The following KANK1 variants were observed in gnomAD, a reference collection of about 807,000 sequenced individuals.
KANK1 encodes KN motif and ankyrin repeat domains 1.
In KANK1, 109 loss-of-function variants were observed where a neutral mutation model predicts 106.2. The observed-to-expected ratio is 1.03, with a 90% CI of 0.88 to 1.20. KANK1 has a LOEUF of 1.20. Among genes scored for constraint, KANK1 ranks in the 50% most tolerant of loss-of-function variants. The pLI, the probability that KANK1 is intolerant of heterozygous loss-of-function variation, is 0.00. For missense variants in KANK1, 2,399 were observed against 1,710.7 expected (o/e 1.40, Z -7.10); for synonymous variants, 873 against 652.2 (o/e 1.34, Z -5.16).
intron 2 of KANK1, among the ~76,000 whole-genome samples, chr9:704,709 A>AAC (rs1168277714): frequency 6.6e-6 from 1 of 152,182 alleles, no homozygotes; most frequent in Non-Finnish European, 1.5e-5. Context: ...GGCCAGGTAT[A>AAC]GTGGCTTACA....
intron 1 of KANK1, among the ~76,000 whole-genome samples, chr9:638,499 C>T (rs1204623403): frequency 6.6e-6 from 1 of 152,150 alleles, no homozygotes; most frequent in Admixed American, 6.6e-5. Flanking sequence ...AACAGAGTTT[C>T]AGATAAATCT....
At chr9:634,704 C>T (rs1035603310) in intron 1 of KANK1, among the ~76,000 whole-genome samples, 23 of 152,160 alleles carry the variant, frequency 1.5e-4, no homozygotes, top group Non-Finnish European at 2.8e-4. Context: ...AAATTTCTCC[C>T]GTGGTTATCT....
intron 3 of KANK1, among the ~76,000 whole-genome samples, chr9:487,140 C>T (rs772578627): frequency 1.6e-4 from 24 of 152,274 alleles, no homozygotes; most frequent in African/African-American, 5.5e-4. Context: ...GCTGCAGGCA[C>T]GGAGAACAGC....
At chr9:597,393 T>A (rs1826480635) in intron 1 of KANK1, among the ~76,000 whole-genome samples, 1 of 151,858 alleles carries the variant, frequency 6.6e-6, no homozygotes, top group Admixed American at 6.5e-5. Flanking sequence ...TTTAAAAAAA[T>A]TATAGTCGTC....
intron 1 of KANK1, among the ~76,000 whole-genome samples, chr9:507,995 A>AT (rs2058844855): frequency 6.8e-6 from 1 of 147,940 alleles, no homozygotes; most frequent in Admixed American, 6.7e-5. Flanking sequence ...TAATTTTTGT[A>AT]TTTTTGTTAG....
intron 1 of KANK1, among the ~76,000 whole-genome samples, chr9:522,270 T>G (rs2059587258): frequency 6.6e-6 from 1 of 151,768 alleles, no homozygotes; most frequent in Non-Finnish European, 1.5e-5. Flanking sequence ...TTACATCTAG[T>G]TTTGAAAGAT....
chr9:713,898 T>C (rs1826939502), intron 3 of KANK1, among the ~76,000 whole-genome samples: 1 of 152,240 alleles, frequency 6.6e-6, no homozygotes. Flanking sequence ...TTAAAACGTT[T>C]ATGAGAGGAG....
chr9:528,842 C>T (rs1289174311), intron 1 of KANK1, among the ~76,000 whole-genome samples: 1 of 152,066 alleles, frequency 6.6e-6, no homozygotes, highest in Admixed American at 6.6e-5. Context: ...ATTTGTAAGC[C>T]AGGCTGGAAT....
intron 1 of KANK1, among the ~76,000 whole-genome samples, chr9:584,643 C>G (rs189034088): frequency 6.6e-6 from 1 of 152,204 alleles, no homozygotes; most frequent in East Asian, 1.9e-4. Flanking sequence ...TAACATAGAG[C>G]TGTTGAATAG....
intron 1 of KANK1, among the ~76,000 whole-genome samples, chr9:580,038 T>C (rs556054567): frequency 2.0e-5 from 3 of 152,320 alleles, no homozygotes; most frequent in East Asian, 3.9e-4. Context: ...CGGTGAGTGT[T>C]ACAGTTCTTA....
intron 3 of KANK1, among the ~76,000 whole-genome samples, chr9:719,967 G>A (rs1828871296): frequency 6.6e-6 from 1 of 152,084 alleles, no homozygotes; most frequent in Non-Finnish European, 1.5e-5. Flanking sequence ...ATTTTAAGTG[G>A]CTTGTTTTTC....
chr9:538,823 A>G (rs1169680874), intron 1 of KANK1, among the ~76,000 whole-genome samples: 1 of 152,192 alleles, frequency 6.6e-6, no homozygotes, highest in Non-Finnish European at 1.5e-5. Flanking sequence ...TTGGCATAGT[A>G]AGTACTTCAT....
intron 3 of KANK1, among the ~76,000 whole-genome samples, chr9:728,264 G>A (rs55729803): frequency 0.072 from 10,904 of 152,108 alleles, 976 homozygotes; most frequent in African/African-American, 0.2. Context: ...GCAATGGCAC[G>A]ATCTAGGCAC....
At chr9:633,436 T>C (rs183034955) in intron 1 of KANK1, among the ~76,000 whole-genome samples, 7 of 152,114 alleles carry the variant, frequency 4.6e-5, no homozygotes, top group East Asian at 3.9e-4. Context: ...CCAGCCTGGG[T>C]GACAGAGCGA....
chr9:555,436 C>T (rs1172824938), intron 1 of KANK1, among the ~76,000 whole-genome samples: 1 of 152,164 alleles, frequency 6.6e-6, no homozygotes, highest in Non-Finnish European at 1.5e-5. Flanking sequence ...ATGTATATGG[C>T]ATAGTCACTA....
chr9:690,297 C>T (rs1442191896), intron 2 of KANK1, among the ~76,000 whole-genome samples: 2 of 144,466 alleles, frequency 1.4e-5, no homozygotes, highest in Non-Finnish European at 3.0e-5. Context: ...CGGAGCGAGA[C>T]TCTGTCTCAA....
Position 591,271 on chromosome 9 carries a change from A to T in KANK1, c.-83-85619A>T, listed in dbSNP as rs186354871. Reference sequence around the variant, plus strand: ...TAAATGTATATAAATATTTAATTTTAGGTTGTCAAATCTTTTTCTTTATGG... The same window carrying T: ...TAAATGTATATAAATATTTAATTTTTGGTTGTCAAATCTTTTTCTTTATGG... On this transcript the variant is annotated intron_variant, in intron 1 of 11. Transcript: ENST00000382297. Among the ~76,000 whole-genome samples, 34 of 151,952 alleles carry T rather than the reference A, an allele frequency of 2.2e-4. 4 individuals carry two copies. The highest frequency in any genetic ancestry group is 8.0e-4 in the African/African-American group (33 of 41,248).
At chr9:502,753 T>A (rs2058580133), upstream of KANK1, among the ~76,000 whole-genome samples, 3 of 152,154 alleles carry the variant, frequency 2.0e-5, no homozygotes, top group Admixed American at 2.0e-4. Context: ...GTTGAACTCC[T>A]GGCCTCAAGT....
At chr9:664,666 GT>G in intron 1 of KANK1, among the ~76,000 whole-genome samples, 1 of 152,044 alleles carries the variant, frequency 6.6e-6, no homozygotes, top group Admixed American at 6.5e-5. Context: ...CAATATATTG[GT>G]TTTCTTTCTT....
Sources: allele counts gnomAD v4.1 joint callset (sites outside exome capture counted in the v4.1 genomes callset), GRCh38; gene constraint gnomAD v4.1.1; transcripts MANE v1.5; gene names NCBI Gene and HGNC (gene_info 2026-07-23, HGNC 2026-07-21).